Variants in SAMD5 observed in about 807,000 individuals in gnomAD.
SAMD5 encodes sterile alpha motif domain containing 5, also known as sterile alpha motif domain-containing protein 5.
A neutral mutation model predicts 11.3 loss-of-function variants in SAMD5; 13 were observed. The ratio of observed to expected loss-of-function variants is 1.15; its 90% CI spans 0.75 to 1.83. The LOEUF is 1.83. Ranked by LOEUF, SAMD5 falls within the 40% of genes most tolerant of loss-of-function variation. SAMD5 has a pLI of 0.00. For synonymous variants in SAMD5, 129 were observed against 111.3 expected (o/e 1.16, Z -1.00); for missense variants, 255 against 239.1 (o/e 1.07, Z -0.44).
chr6:147,669,765 T>C (rs1790771889), intron 1 of SAMD5, among the ~76,000 whole-genome samples: 1 of 152,130 alleles, frequency 6.6e-6, no homozygotes. Context: ...TCTTGCTGTT[T>C]CCACCACATC....
chr6:147,939,815 T>C, the SAMD5 span, among the ~76,000 whole-genome samples: 7 of 151,878 alleles, frequency 4.6e-5, no homozygotes, highest in East Asian at 1.9e-4. Context: ...CCAGCATTTT[T>C]TTTTTTTTAA....
At chr6:147,641,064 A>G (rs75863635) in intron 1 of SAMD5, among the ~76,000 whole-genome samples, 1,811 of 152,310 alleles carry the variant, frequency 0.012, 20 homozygotes, top group African/African-American at 0.04. Context: ...GTAGACGTTA[A>G]CAATGGTTGG....
At chr6:147,775,437 T>C in the SAMD5 span, among the ~76,000 whole-genome samples, 1 of 152,186 alleles carries the variant, frequency 6.6e-6, no homozygotes, top group Non-Finnish European at 1.5e-5. Flanking sequence ...TAAAGTAATG[T>C]TAACTATTAA....
the SAMD5 span, among the ~76,000 whole-genome samples, chr6:147,824,527 C>T: frequency 1.3e-5 from 2 of 152,120 alleles, no homozygotes; most frequent in African/African-American, 2.4e-5. Flanking sequence ...TTGATGTGCT[C>T]AGCTCTCCCA....
chr6:147,754,406 T>G, the SAMD5 span, among the ~76,000 whole-genome samples: 6 of 150,422 alleles, frequency 4.0e-5, no homozygotes, highest in African/African-American at 1.5e-4. Context: ...TTGGATCAGA[T>G]TATTAGATTT....
the SAMD5 span, among the ~76,000 whole-genome samples, chr6:147,803,131 C>CTG: frequency 0.18 from 24,561 of 136,294 alleles, 2,301 homozygotes; most frequent in Non-Finnish European, 0.23. Context: ...GCCTTCCTTT[C>CTG]TGTGTGTGTG....
chr6:147,649,274 C>T (rs536149639), intron 1 of SAMD5, among the ~76,000 whole-genome samples: 91 of 152,282 alleles, frequency 6.0e-4, no homozygotes, highest in African/African-American at 1.9e-3. Flanking sequence ...TGAATATAAT[C>T]ATAAGCTTCA....
At chr6:147,768,440 G>A in the SAMD5 span, among the ~76,000 whole-genome samples, 1 of 152,176 alleles carries the variant, frequency 6.6e-6, no homozygotes, top group Non-Finnish European at 1.5e-5. Flanking sequence ...GGAGGTTGCA[G>A]TGAGTAGAGA....
At chr6:147,950,136 G>A in the SAMD5 span, among the ~76,000 whole-genome samples, 37 of 152,140 alleles carry the variant, frequency 2.4e-4, no homozygotes, top group African/African-American at 8.7e-4. Flanking sequence ...AAATTTTCAC[G>A]CAGTTAGCCG....
intron 1 of SAMD5, among the ~76,000 whole-genome samples, chr6:147,539,186 AT>A (rs895546278): frequency 6.6e-6 from 1 of 152,174 alleles, no homozygotes; most frequent in African/African-American, 2.4e-5. Flanking sequence ...AAGGAGGGAA[AT>A]AACTCCAGGA....
the SAMD5 span, among the ~76,000 whole-genome samples, chr6:147,890,040 A>C: frequency 6.6e-6 from 1 of 152,222 alleles, no homozygotes; most frequent in Non-Finnish European, 1.5e-5. Context: ...TCGAGACAGT[A>C]GGCTGGGGCT....
chr6:147,533,528 G>A (rs908441100), intron 1 of SAMD5, among the ~76,000 whole-genome samples: 4 of 152,006 alleles, frequency 2.6e-5, no homozygotes, highest in Admixed American at 2.6e-4. Flanking sequence ...CATCAGGAAG[G>A]TAGAGGACAG....
At chr6:147,854,582 C>T in the SAMD5 span, among the ~76,000 whole-genome samples, 3,066 of 152,254 alleles carry the variant, frequency 0.02, 58 homozygotes, top group Non-Finnish European at 0.032. Context: ...TAAACATCAT[C>T]GCTTCCTGTA....
At chr6:147,576,355 G>A (rs1789216816) in intron 1 of SAMD5, among the ~76,000 whole-genome samples, 1 of 152,064 alleles carries the variant, frequency 6.6e-6, no homozygotes, top group Admixed American at 6.6e-5. Flanking sequence ...CGGCTAGGCT[G>A]GTCTCGAACT....
At chr6:147,873,137 G>T in the SAMD5 span, among the ~76,000 whole-genome samples, 1 of 152,112 alleles carries the variant, frequency 6.6e-6, no homozygotes, top group South Asian at 2.1e-4. Flanking sequence ...CCAGCACTTT[G>T]GGAGGTTGAA....
chr6:147,910,270 A>T, the SAMD5 span, among the ~76,000 whole-genome samples: 1 of 152,038 alleles, frequency 6.6e-6, no homozygotes, highest in Non-Finnish European at 1.5e-5. Flanking sequence ...CCCCCAGGCC[A>T]CCCAGGTGCT....
the SAMD5 span, among the ~76,000 whole-genome samples, chr6:147,907,693 T>G: frequency 3.3e-5 from 5 of 152,172 alleles, no homozygotes; most frequent in Non-Finnish European, 7.3e-5. Flanking sequence ...CCCTGTGATA[T>G]CTTGGATTGC....
chr6:147,861,167 A>C, the SAMD5 span, among the ~76,000 whole-genome samples: 2 of 142,748 alleles, frequency 1.4e-5, no homozygotes, highest in Non-Finnish European at 3.1e-5. Context: ...CACTGTGATT[A>C]TTTCTTTTTT....
At chr6:147,721,439 C>A (rs1243552212) in intron 1 of SAMD5, among the ~76,000 whole-genome samples, 1 of 152,208 alleles carries the variant, frequency 6.6e-6, no homozygotes, top group Non-Finnish European at 1.5e-5. Context: ...TTGCATTTCT[C>A]TGATGGCCAG....
Sources: allele counts gnomAD v4.1 joint callset (sites outside exome capture counted in the v4.1 genomes callset), GRCh38; gene constraint gnomAD v4.1.1; transcripts MANE v1.5; gene names NCBI Gene and HGNC (gene_info 2026-07-23, HGNC 2026-07-21).